Variants in ABAT observed in about 807,000 individuals in gnomAD.
The protein encoded by ABAT is 4-aminobutyrate aminotransferase, also known as 4-aminobutyrate aminotransferase, mitochondrial.
A neutral mutation model predicts 64.6 loss-of-function variants in ABAT; 45 were observed. The ratio of observed to expected loss-of-function variants is 0.70; its 90% CI spans 0.55 to 0.89. The LOEUF is 0.89. Among genes scored for constraint, ABAT ranks in the 40% least tolerant of loss-of-function variants. ABAT has a pLI of 0.00. For synonymous variants in ABAT, 297 were observed against 250.5 expected (o/e 1.19, Z -1.75); for missense variants, 633 against 658.4 (o/e 0.96, Z 0.42).
chr16:8,756,421 T>TA (rs1054394347), intron 5 of ABAT, among the ~76,000 whole-genome samples: 9 of 152,086 alleles, frequency 5.9e-5, no homozygotes, highest in South Asian at 2.1e-4. Flanking sequence ...TTCTTCTTTT[T>TA]AAAAAAAAGG....
chr16:8,706,347 A>G (rs1388338064), intron 1 of ABAT, among the ~76,000 whole-genome samples: 2 of 148,422 alleles, frequency 1.3e-5, no homozygotes, highest in African/African-American at 2.5e-5. Context: ...TAAGGCTGCA[A>G]TGAGCTGTGA....
intron 1 of ABAT, among the ~76,000 whole-genome samples, chr16:8,718,725 A>G (rs182503416): frequency 2.7e-3 from 407 of 152,270 alleles, no homozygotes; most frequent in Non-Finnish European, 4.7e-3. Flanking sequence ...GAATAGAAGT[A>G]TTTGCCTCCC....
chr16:8,763,752 G>A (rs147877099), intron 6 of ABAT, among the ~76,000 whole-genome samples: 173 of 152,246 alleles, frequency 1.1e-3, no homozygotes, highest in Non-Finnish European at 1.7e-3. Context: ...AGAGACTCAC[G>A]GGAAGTTGCA....
chr16:8,779,535 C>G lies in ABAT; in HGVS notation c.1326C>G (p.Phe442Leu). 1 of 1,614,174 alleles carries G rather than the reference C, an allele frequency of 6.2e-7. No individual in the cohort carries two copies. Among genetic ancestry groups the G allele is most frequent in the Non-Finnish European group, 8.5e-7 (1 of 1,180,038 alleles). ...RVRGRGTFCS[F>L]DTPDDSIRNK... ...GAGGACGAGGCACCTTTTGCTCCTT[C>G]GATACTCCCGATGATTCCATACGGA... Residue 442 changes from phenylalanine (F) to leucine (L), a missense_variant, in exon 15 of 16, where the codon TTC (phenylalanine) becomes TTG (leucine). Coordinates refer to ENST00000268251, the MANE Select transcript of ABAT (RefSeq NM_020686.6).
chr16:8,751,869 T>C (rs2059496288), intron 5 of ABAT, among the ~76,000 whole-genome samples: 2 of 152,198 alleles, frequency 1.3e-5, no homozygotes, highest in Admixed American at 1.3e-4. Flanking sequence ...ACAGACAGGA[T>C]GGACAGGGCT....
At position 8,757,738 on chromosome 16, in the gene ABAT, A is replaced by G. The variant is rs758027680; in HGVS notation, c.317-19A>G. 1 of 1,613,754 alleles carries G rather than the reference A, an allele frequency of 6.2e-7. No homozygotes were observed. Among genetic ancestry groups the G allele is most frequent in the Non-Finnish European group, 8.5e-7 (1 of 1,179,658 alleles). On this transcript the variant is annotated intron_variant, in intron 5 of 15. Transcript: ENST00000268251. ...CCTTGGATGCAATGAGGTCTCTAAC[A>G]ATACTCTCCTGCCCTCAGGTTACAG...
rs994880917 is a variant in ABAT, at chr16:8,783,335, T to G, written c.*1905T>G. ...CACTGGAAACAACAGACTCTTAAAC[T>G]AACAATTCAAGCAGGCGCCAAGTGC... On this transcript the variant is annotated 3_prime_UTR_variant, in exon 16 of 16. Transcript: ENST00000268251. The G allele has an allele frequency of 1.3e-5, 2 of 151,876 alleles. No homozygotes were observed. The highest frequency in any genetic ancestry group is 4.8e-5 in the African/African-American group (2 of 41,306). The allele number at this position is 151,876 out of a possible 1,614,324, so 9.4% of individuals were successfully genotyped here.
intron 1 of ABAT, among the ~76,000 whole-genome samples, chr16:8,690,440 G>C (rs2057553699): frequency 6.6e-6 from 1 of 152,178 alleles, no homozygotes; most frequent in African/African-American, 2.4e-5. Context: ...ACCTTCCAAA[G>C]GGCAAATATA....
In ABAT at chr16:8,768,234, C is replaced by A. The variant is rs1139522; in HGVS notation, c.645C>A (p.Gly215=). The change falls in exon 10 of 16, where the codon GGC becomes GGA. Residue 215 remains glycine, a synonymous_variant. Transcript: ENST00000268251. ...ACTACAGCATCCTCTCCTTCATGGGCGCGTTCCATGGGAGGACCATGGGTA... is the reference window on the plus strand; with the variant it reads ...ACTACAGCATCCTCTCCTTCATGGGAGCGTTCCATGGGAGGACCATGGGTA... ...CPDYSILSFM[G]AFHGRTMGCL... 2.0e-4 allele frequency: 319 copies of A among 1,613,946 alleles called. No individual in the cohort carries two copies. The highest frequency in any genetic ancestry group is 2.8e-4 in the Admixed American group (17 of 59,990).
At chr16:8,690,238 C>T (rs537778805) in intron 1 of ABAT, among the ~76,000 whole-genome samples, 16 of 152,332 alleles carry the variant, frequency 1.1e-4, no homozygotes, top group Admixed American at 7.2e-4. Flanking sequence ...CTTTTCTCCC[C>T]AGCCTGGCGA....
Position 8,749,605 on chromosome 16 carries a change from A to G in ABAT, c.199-817A>G, listed in dbSNP as rs574198004. On this transcript the variant is annotated intron_variant, in intron 4 of 15. Coordinates refer to ENST00000268251, the MANE Select transcript of ABAT (RefSeq NM_020686.6). Reference sequence around the variant, plus strand: ...GTAGAGACAAGATTTCACCATGTTGAGGCTGGTTTCGAACTCCTCACCTCA... The same window carrying G: ...GTAGAGACAAGATTTCACCATGTTGGGGCTGGTTTCGAACTCCTCACCTCA... Among the ~76,000 whole-genome samples, 419 of 148,382 alleles carry G rather than the reference A, an allele frequency of 2.8e-3. 1 individual carries two copies. In the Middle Eastern group the frequency reaches 0.036, roughly 13 times the overall value.
rs150642733 is a variant in ABAT, at chr16:8,693,555, G to T, written c.-42+18844G>T. On this transcript the variant is annotated intron_variant, in intron 1 of 15. Coordinates refer to ENST00000268251, the MANE Select transcript of ABAT (RefSeq NM_020686.6). ...ACGATCTCAGCTCACTGCAACCTCC[G>T]CCTCCCGGGTTCACGTGATCCTCAT... 8.5e-5 allele frequency among the ~76,000 whole-genome samples: 13 copies of T among 152,202 alleles called. No homozygotes were observed. The East Asian group carries it at 2.5e-3, about 29-fold the overall frequency.
Position 8,750,532 on chromosome 16 carries a change from C to T in ABAT, c.309C>T (p.Val103=), listed in dbSNP as rs2229157. 177,022 of 1,612,246 alleles carry T rather than the reference C, an allele frequency of 0.11. 10,396 individuals are homozygous for T. Among genetic ancestry groups the T allele is most frequent in the East Asian group, 0.15 (6,911 of 44,866 alleles). ...MLDLYSQISS[V]PIGYSHPALL... is the part of the protein sequence containing the mutation. ...ATCTTTATTCCCAGATCTCCTCTGT[C>T]CCCATAGGTAAGAGCTGGGAAATCA... Residue 103 remains valine, a synonymous_variant, in exon 5 of 16, where the codon GTC becomes GTT. Transcript: ENST00000268251.
At chr16:8,716,602 G>A (rs1399585111) in intron 1 of ABAT, among the ~76,000 whole-genome samples, 2 of 152,130 alleles carry the variant, frequency 1.3e-5, no homozygotes, top group African/African-American at 4.8e-5. Flanking sequence ...CTTGCAATTC[G>A]TAACCATTTT....
chr16:8,744,905 C>A (rs556591388), intron 2 of ABAT, among the ~76,000 whole-genome samples: 118 of 152,200 alleles, frequency 7.8e-4, no homozygotes, highest in Admixed American at 2.4e-3. Flanking sequence ...TTAATGGGTG[C>A]ATAATATTCC....
rs1313838866 is a variant in ABAT, at chr16:8,768,883, C to G, written c.726C>G (p.Asp242Glu). 2 of 1,614,104 alleles carry G rather than the reference C, an allele frequency of 1.2e-6. No individual in the cohort carries two copies. The highest frequency in any genetic ancestry group is 1.7e-6 in the Non-Finnish European group (2 of 1,180,050). Reference protein sequence around the residue: ...AIHKIDIPSFDWPIAPFPRLK... With the variant: ...AIHKIDIPSFEWPIAPFPRLK... ...ACAAGATCGACATCCCTTCCTTTGACTGGCCCATCGCACCGTTCCCACGGC... is the reference window on the plus strand; with the variant it reads ...ACAAGATCGACATCCCTTCCTTTGAGTGGCCCATCGCACCGTTCCCACGGC... Residue 242 changes from aspartate (D) to glutamate (E), a missense_variant, in exon 11 of 16, where the codon GAC becomes GAG. Physicochemically the swap from Asp to Glu is conservative, Grantham distance 45. Transcript: ENST00000268251.
chr16:8,775,630 T>C (rs1014851683), intron 13 of ABAT, among the ~76,000 whole-genome samples: 1 of 152,160 alleles, frequency 6.6e-6, no homozygotes, highest in African/African-American at 2.4e-5. Flanking sequence ...ATGTAGTTTC[T>C]ACCCTCAAGG....
At chr16:8,690,837 C>A (rs1049087948) in intron 1 of ABAT, among the ~76,000 whole-genome samples, 10 of 152,160 alleles carry the variant, frequency 6.6e-5, no homozygotes, top group Non-Finnish European at 1.5e-4. Flanking sequence ...TGTTCCAGGA[C>A]AGGAGAGCCA....
Position 8,757,746 on chromosome 16 carries a change from C to A in ABAT, c.317-11C>A. On this transcript the variant is annotated splice_polypyrimidine_tract_variant and intron_variant, in intron 5 of 15. Coordinates refer to ENST00000268251, the MANE Select transcript of ABAT (RefSeq NM_020686.6). ...GCAATGAGGTCTCTAACAATACTCT[C>A]CTGCCCTCAGGTTACAGCCACCCCG... 1.2e-6 allele frequency: 2 copies of A among 1,613,920 alleles called. No individual in the cohort carries two copies. The highest frequency in any genetic ancestry group is 1.7e-6 in the Non-Finnish European group (2 of 1,179,812).
Sources: gnomAD v4.1 joint callset for allele counts (sites outside exome capture counted in the v4.1 genomes callset) on GRCh38, gnomAD v4.1.1 for gene constraint, MANE v1.5 for transcripts, NCBI Gene and HGNC (gene_info 2026-07-23, HGNC 2026-07-21) for gene names.